The following MCHR2 variants were observed in gnomAD, a reference collection of about 807,000 sequenced individuals.
MCHR2 encodes the protein melanin concentrating hormone receptor 2.
MCHR2 carries 15 observed loss-of-function variants against 24.8 expected under a neutral mutation model. The ratio of observed to expected loss-of-function variants is 0.60; its 90% CI spans 0.40 to 0.93. The LOEUF (loss-of-function observed/expected upper bound fraction) is 0.93. Among genes scored for constraint, MCHR2 ranks in the 40% least tolerant of loss-of-function variants. MCHR2 has a pLI of 0.00. For missense variants in MCHR2, 386 were observed against 408.7 expected, an observed-to-expected ratio of 0.94 and a Z score of 0.48; for synonymous variants, 151 against 147.6, an observed-to-expected ratio of 1.02 and a Z score of -0.17.
At chr6:99,981,023 T>C (rs974803268) in intron 1 of MCHR2, among the ~76,000 whole-genome samples, 21 of 152,226 alleles carry the variant, frequency 1.4e-4, no homozygotes, top group Admixed American at 2.0e-4. Context: ...ATAATCTTCA[T>C]GTCTTTCAAA....
chr6:99,977,011 T>G (rs1402927722), intron 1 of MCHR2, among the ~76,000 whole-genome samples: 1 of 152,220 alleles, frequency 6.6e-6, no homozygotes, highest in African/African-American at 2.4e-5. Context: ...CTGATTTTCT[T>G]TTGACTTCAT....
chr6:99,975,839 T>G (rs1433360645), intron 1 of MCHR2, among the ~76,000 whole-genome samples: 2 of 152,258 alleles, frequency 1.3e-5, no homozygotes, highest in African/African-American at 4.8e-5. Context: ...CTGAACTTTA[T>G]GATAATTCTT....
intron 5 of MCHR2, among the ~76,000 whole-genome samples, chr6:99,931,733 C>T (rs529606207): frequency 3.3e-4 from 50 of 152,264 alleles, no homozygotes; most frequent in African/African-American, 1.0e-3. Context: ...TTCCAGGTGC[C>T]GTCTGTCACC....
intron 4 of MCHR2, 79 bp downstream of exon 4, chr6:99,942,870 G>A: frequency 8.2e-7 from 1 of 1,217,744 alleles, no homozygotes; most frequent in Non-Finnish European, 1.2e-6. Context: ...ACTCTTTGAG[G>A]CTGCTCACAT....
intron 5 of MCHR2, among the ~76,000 whole-genome samples, chr6:99,928,653 A>G (rs1209517962): frequency 6.6e-6 from 1 of 152,134 alleles, no homozygotes; most frequent in African/African-American, 2.4e-5. Context: ...CTCTGATGGT[A>G]GTTTGTATTT....
At chr6:99,922,966 G>A (rs921480469) in intron 5 of MCHR2, among the ~76,000 whole-genome samples, 3 of 151,936 alleles carry the variant, frequency 2.0e-5, no homozygotes, top group South Asian at 2.1e-4. Context: ...CTTTGAATCC[G>A]TAGATTGCTT....
At chr6:99,945,138 G>A (rs1298851855) in intron 3 of MCHR2, among the ~76,000 whole-genome samples, 1 of 152,082 alleles carries the variant, frequency 6.6e-6, no homozygotes, top group Admixed American at 6.6e-5. Flanking sequence ...ATTACTTGTG[G>A]GACTCTTCAC....
At chr6:99,962,508 T>G (rs1775208271) in intron 1 of MCHR2, among the ~76,000 whole-genome samples, 1 of 152,104 alleles carries the variant, frequency 6.6e-6, no homozygotes, top group South Asian at 2.1e-4. Context: ...GAGGATAGAC[T>G]TTTCAACAAA....
chr6:99,977,268 T>C (rs1314576462), intron 1 of MCHR2, among the ~76,000 whole-genome samples: 1 of 152,210 alleles, frequency 6.6e-6, no homozygotes, highest in East Asian at 1.9e-4. Flanking sequence ...CTTTGAGGAT[T>C]TGAAAAGAAG....
chr6:99,937,389 C>A (rs1044480115), intron 4 of MCHR2, among the ~76,000 whole-genome samples: 1 of 151,776 alleles, frequency 6.6e-6, no homozygotes, highest in Non-Finnish European at 1.5e-5. Flanking sequence ...CCTTTTATAA[C>A]CAGTTTGATG....
At position 99,944,614 on chromosome 6, in the gene MCHR2, T is replaced by G. The variant is rs116497918; in HGVS notation, c.393-1471A>C. On this transcript the variant is annotated intron_variant, in intron 3 of 5. Coordinates refer to ENST00000281806, the MANE Select transcript of MCHR2 (RefSeq NM_001040179.2). ...TCCTCTCTGCACACTGCACATGCATTCCCCATGGCTAACGAGGGAAGGGCC... is the reference window on the plus strand; with the variant it reads ...TCCTCTCTGCACACTGCACATGCATGCCCCATGGCTAACGAGGGAAGGGCC... Among the ~76,000 whole-genome samples the G allele has an allele frequency of 6.1e-3, 926 of 152,188 alleles. 8 individuals carry two copies. Among genetic ancestry groups the G allele is most frequent in the African/African-American group, 0.021 (892 of 41,520 alleles).
At chr6:99,941,081 A>G (rs1428712943) in intron 4 of MCHR2, among the ~76,000 whole-genome samples, 1 of 151,898 alleles carries the variant, frequency 6.6e-6, no homozygotes, top group African/African-American at 2.4e-5. Context: ...CAGGGAACCC[A>G]AGGTGGTGGG....
chr6:99,926,270 C>T (rs1168498247), intron 5 of MCHR2, among the ~76,000 whole-genome samples: 2 of 152,076 alleles, frequency 1.3e-5, no homozygotes, highest in Non-Finnish European at 2.9e-5. Flanking sequence ...GTCTTTGCTA[C>T]TGTGAATAGT....
At position 99,924,667 on chromosome 6, in the gene MCHR2, T is replaced by C. The variant is rs147678643; in HGVS notation, c.708-3412A>G. ...AATTTCTTCTTTGACCCACTGGTCA[T>C]TCAGGAGCATATTTTGTAATTTCCA... On this transcript the variant is annotated intron_variant, in intron 5 of 5. Transcript: ENST00000281806. 3.6e-3 allele frequency among the ~76,000 whole-genome samples: 550 copies of C among 152,262 alleles called. 7 individuals carry two copies. The highest frequency in any genetic ancestry group is 0.013 in the African/African-American group (522 of 41,586).
chr6:99,966,453 C>G (rs539846885), intron 1 of MCHR2, among the ~76,000 whole-genome samples: 4 of 152,152 alleles, frequency 2.6e-5, no homozygotes, highest in African/African-American at 9.6e-5. Context: ...GGAAACTCAC[C>G]AAATCAAATA....
At chr6:99,923,706 T>C (rs542632070) in intron 5 of MCHR2, among the ~76,000 whole-genome samples, 1 of 152,216 alleles carries the variant, frequency 6.6e-6, no homozygotes, top group African/African-American at 2.4e-5. Context: ...ATTCTGTTGA[T>C]ATGATGTATT....
At chr6:99,949,930 A>AAG (rs1774936875) in intron 2 of MCHR2, among the ~76,000 whole-genome samples, 1 of 151,740 alleles carries the variant, frequency 6.6e-6, no homozygotes, top group Non-Finnish European at 1.5e-5. Context: ...AAAAAAAAAA[A>AAG]AAATCATAAA....
chr6:99,938,825 TC>T (rs1373298806), intron 4 of MCHR2, among the ~76,000 whole-genome samples: 5 of 152,062 alleles, frequency 3.3e-5, no homozygotes, highest in Non-Finnish European at 7.4e-5. Flanking sequence ...GCCCTCTCTC[TC>T]CCTGAAGATC....
Position 99,921,189 on chromosome 6 carries a change from T to C in MCHR2, c.774A>G (p.Val258=), listed in dbSNP as rs549733746. 1.1e-5 allele frequency: 18 copies of C among 1,614,156 alleles called. No homozygotes were observed. In the East Asian group the frequency reaches 3.6e-4, roughly 32 times the overall value. Residue 258 remains valine, a synonymous_variant, in exon 6 of 6, where the codon GTA becomes GTG. Coordinates refer to ENST00000281806, the MANE Select transcript of MCHR2 (RefSeq NM_001040179.2). ...KLTKMVLVLV[V]VFILSAAPYH... ...AAGGGGCAGCACTCAGGATAAAGACTACCACCAGCACCAGCACCATCTTTG... is the reference window on the plus strand; with the variant it reads ...AAGGGGCAGCACTCAGGATAAAGACCACCACCAGCACCAGCACCATCTTTG...
Sources: allele counts gnomAD v4.1 joint callset (sites outside exome capture counted in the v4.1 genomes callset), GRCh38; gene constraint gnomAD v4.1.1; transcripts MANE v1.5; gene names NCBI Gene and HGNC (gene_info 2026-07-23, HGNC 2026-07-21).